NUFIP1: variants seen among roughly 807,000 people sequenced by gnomAD.
NUFIP1 encodes nuclear FMR1 interacting protein 1.
In NUFIP1, 38 loss-of-function variants were observed where a neutral mutation model predicts 56.2. The observed-to-expected ratio is 0.68, with a 90% CI of 0.52 to 0.89. The LOEUF is 0.89. NUFIP1 is among the 40% of genes least tolerant of loss of function. The pLI is 0.00. For missense variants in NUFIP1, 567 were observed against 605.8 expected, an observed-to-expected ratio of 0.94 and a Z score of 0.67; for synonymous variants, 215 against 212.4, an observed-to-expected ratio of 1.01 and a Z score of -0.10.
chr13:44,952,465 G>A (rs1459433287), intron 7 of NUFIP1, among the ~76,000 whole-genome samples: 1 of 151,898 alleles, frequency 6.6e-6, no homozygotes, highest in African/African-American at 2.4e-5. Flanking sequence ...GAAAATAACA[G>A]AAAAAAATAA....
intron 6 of NUFIP1, among the ~76,000 whole-genome samples, chr13:44,960,034 C>T (rs746441883): frequency 6.6e-6 from 1 of 150,874 alleles, no homozygotes; most frequent in Non-Finnish European, 1.5e-5. Context: ...CAGGTTCAAG[C>T]GATTTTCCTG....
In NUFIP1 at chr13:44,942,857, T is replaced by C. The variant is rs185542020; in HGVS notation, c.1371+585A>G. On this transcript the variant is annotated intron_variant, in intron 9 of 9. Transcript: ENST00000379161. ...AGTGCATGCCCATAGTCCCAGCTAC[T>C]TGGGAGGCTGGGGCAGTAGGATCAC... 7.9e-4 allele frequency among the ~76,000 whole-genome samples: 120 copies of C among 151,870 alleles called. 3 individuals are homozygous for C. The highest frequency in any genetic ancestry group is 7.7e-3 in the Admixed American group (118 of 15,248).
At position 44,941,267 on chromosome 13, in the gene NUFIP1, T is replaced by C. The variant is rs766580155; in HGVS notation, c.1427A>G (p.Tyr476Cys). 8.4e-5 allele frequency: 136 copies of C among 1,612,248 alleles called. 3 individuals are homozygous for C. The South Asian group carries it at 1.4e-3, about 17-fold the overall frequency. Residue 476 changes from tyrosine (Y) to cysteine (C), a missense_variant, in exon 10 of 10, where the codon TAC becomes TGC. Physicochemically the swap from Tyr to Cys is radical, Grantham distance 194. Coordinates refer to ENST00000379161, the MANE Select transcript of NUFIP1 (RefSeq NM_012345.3). ...ERNVILQCVR[Y>C]IIKKDFFGLD... is the part of the protein sequence containing the mutation. ...TCCAAAAAAGTCTTTTTTGATGATG[T>C]ACCGAACACACTGCAAAATCACATT...
intron 2 of NUFIP1, 53 bp from the exon 3 acceptor site, chr13:44,980,873 A>G (rs887434411): frequency 8.5e-7 from 1 of 1,170,078 alleles, no homozygotes; most frequent in Non-Finnish European, 1.2e-6. Context: ...TCTGTAATCA[A>G]TAATAAAAAC....
At chr13:44,983,957 T>C (rs1872290898) in intron 1 of NUFIP1, among the ~76,000 whole-genome samples, 1 of 152,216 alleles carries the variant, frequency 6.6e-6, no homozygotes, top group African/African-American at 2.4e-5. Context: ...CTGTTCATTA[T>C]ATATTACCCA....
At chr13:44,952,477 A>C (rs1006305639) in intron 7 of NUFIP1, among the ~76,000 whole-genome samples, 5 of 152,234 alleles carry the variant, frequency 3.3e-5, no homozygotes, top group Admixed American at 1.3e-4. Flanking sequence ...AAAAAATAAA[A>C]ACAAAGGGAA....
chr13:44,957,784 A>G (rs1871293093), intron 7 of NUFIP1, among the ~76,000 whole-genome samples: 1 of 152,244 alleles, frequency 6.6e-6, no homozygotes, highest in African/African-American at 2.4e-5. Context: ...ACTATCCAAT[A>G]TCGGTCTTAG....
intron 1 of NUFIP1, among the ~76,000 whole-genome samples, chr13:44,988,191 G>A (rs1322193887): frequency 7.2e-5 from 11 of 152,190 alleles, no homozygotes; most frequent in South Asian, 2.1e-4. Flanking sequence ...AGGCTGAGGC[G>A]GGCGGATGCC....
chr13:44,976,872 A>G (rs1871999815), intron 5 of NUFIP1, among the ~76,000 whole-genome samples: 1 of 152,212 alleles, frequency 6.6e-6, no homozygotes, highest in Non-Finnish European at 1.5e-5. Context: ...TCTGATGATA[A>G]CAAGCCCACT....
rs10492741 is a variant in NUFIP1 at position 44,954,370 on chromosome 13, T to C, written c.1022-4532A>G. On this transcript the variant is annotated intron_variant, in intron 7 of 9. Coordinates refer to ENST00000379161, the MANE Select transcript of NUFIP1 (RefSeq NM_012345.3). ...CCCCCCCTAAAAAAATCTAATGCAA[T>C]GATCTAAAAATTATTCTTAGACTAT... Among the ~76,000 whole-genome samples, 1,977 of 152,222 alleles carry C rather than the reference T, an allele frequency of 0.013. 144 individuals are homozygous for C. In the East Asian group the frequency reaches 0.22, roughly 17 times the overall value.
rs1352428435 is a variant in NUFIP1 at position 44,939,852 on chromosome 13, G to T, written c.*1354C>A. The stretch of plus-strand genomic sequence containing the variant: ...TATGGTCATCAATGAAAGTAGTCCA[G>T]GAGTCCATGAATTCATTTATTAACC... On this transcript the variant is annotated 3_prime_UTR_variant, in exon 10 of 10. Coordinates refer to ENST00000379161, the MANE Select transcript of NUFIP1 (RefSeq NM_012345.3). 2.7e-5 allele frequency: 4 copies of T among 145,698 alleles called. No individual in the cohort carries two copies. The highest frequency in any genetic ancestry group is 1.0e-4 in the African/African-American group (4 of 39,740). The allele number at this position is 145,698 out of a possible 1,614,324, so 9.0% of individuals were successfully genotyped here.
intron 1 of NUFIP1, among the ~76,000 whole-genome samples, chr13:44,982,447 A>G (rs1047085215): frequency 3.9e-5 from 6 of 152,226 alleles, no homozygotes; most frequent in African/African-American, 1.2e-4. Context: ...TTCAAATATT[A>G]GAAATGTAAC....
chr13:44,984,711 T>G (rs1355923433), intron 1 of NUFIP1, among the ~76,000 whole-genome samples: 1 of 150,564 alleles, frequency 6.6e-6, no homozygotes, highest in Non-Finnish European at 1.5e-5. Flanking sequence ...AGAATTGAAT[T>G]TTTTTTTATT....
At chr13:44,979,999 C>T (rs757489083) in intron 3 of NUFIP1, 47 bp from the exon 4 acceptor site, 12 of 1,434,888 alleles carry the variant, frequency 8.4e-6, no homozygotes, top group Non-Finnish European at 1.2e-5. Context: ...AAATGTTTTC[C>T]ATGTTAAATT....
In NUFIP1 at chr13:44,982,160, A is replaced by C. The variant is rs984821497; in HGVS notation, c.413-6T>G. The C allele has an allele frequency of 3.6e-6, 5 of 1,372,258 alleles. No individual in the cohort carries two copies. Among genetic ancestry groups the C allele is most frequent in the Non-Finnish European group, 3.9e-6 (4 of 1,021,344 alleles). 85.0% of individuals were successfully genotyped at this position (1,372,258 alleles called of 1,614,324 possible). On this transcript the variant is annotated splice_polypyrimidine_tract_variant and splice_region_variant and intron_variant, in intron 1 of 9. Transcript: ENST00000379161. ...TGGATAATAAGAATTTTTAACTAAAAAAAAAAAGATCCATAAATGTTTGCA... is the reference window on the plus strand; with the variant it reads ...TGGATAATAAGAATTTTTAACTAAACAAAAAAAGATCCATAAATGTTTGCA...
chr13:44,954,440 A>G (rs1871163403), intron 7 of NUFIP1, among the ~76,000 whole-genome samples: 2 of 152,192 alleles, frequency 1.3e-5, no homozygotes, highest in South Asian at 2.1e-4. Flanking sequence ...CCTCGGCATT[A>G]TAGTGGATTA....
At chr13:44,944,106 T>C (rs1593356069) in intron 8 of NUFIP1, among the ~76,000 whole-genome samples, 1 of 152,104 alleles carries the variant, frequency 6.6e-6, no homozygotes, top group South Asian at 2.1e-4. Context: ...ACAACAATAG[T>C]AAAAAGGCAG....
intron 1 of NUFIP1, among the ~76,000 whole-genome samples, chr13:44,988,213 G>A (rs1188776580): frequency 6.6e-6 from 1 of 152,218 alleles, no homozygotes; most frequent in East Asian, 1.9e-4. Flanking sequence ...GAGCTCAGGA[G>A]TTAGAGACAG....
At chr13:44,964,076 C>T (rs1471865653) in intron 6 of NUFIP1, among the ~76,000 whole-genome samples, 1 of 152,152 alleles carries the variant, frequency 6.6e-6, no homozygotes, top group African/African-American at 2.4e-5. Context: ...TTAAACCCTA[C>T]ACTATGTACA....
Sources: allele counts gnomAD v4.1 joint callset (sites outside exome capture counted in the v4.1 genomes callset), GRCh38; gene constraint gnomAD v4.1.1; transcripts MANE v1.5; gene names NCBI Gene and HGNC (gene_info 2026-07-23, HGNC 2026-07-21).